Variants in PTPN13 observed in about 807,000 individuals in gnomAD.
PTPN13 encodes the protein protein tyrosine phosphatase non-receptor type 13.
A neutral mutation model predicts 284.0 loss-of-function variants in PTPN13; 191 were observed. The observed-to-expected ratio is 0.67, with a 90% CI of 0.60 to 0.76. The LOEUF is 0.76. Ranked by LOEUF, PTPN13 falls within the 30% of genes least tolerant of loss-of-function variation. The pLI, the probability that PTPN13 is intolerant of heterozygous loss-of-function variation, is 0.00. For synonymous variants in PTPN13, 986 were observed against 1,022.3 expected, an observed-to-expected ratio of 0.96 and a Z score of 0.68; for missense variants, 2,797 against 2,939.9, an observed-to-expected ratio of 0.95 and a Z score of 1.12.
chr4:86,725,412 G>T (rs991124991), intron 10 of PTPN13, among the ~76,000 whole-genome samples: 7 of 149,364 alleles, frequency 4.7e-5, no homozygotes, highest in African/African-American at 1.7e-4. Context: ...CACAAAGGTT[G>T]AACTACTTTA....
rs190834619 is a variant in PTPN13 at position 86,774,186 on chromosome 4, G to A, written c.5350-187G>A. ...ATAACTTTTACGTGGGATGCAGTGG[G>A]GGGACAGTCTGTCTAGAATCAGACA... On this transcript the variant is annotated intron_variant, in intron 32 of 47. Transcript: ENST00000411767. 4.5e-3 allele frequency among the ~76,000 whole-genome samples: 689 copies of A among 152,170 alleles called. 5 individuals carry two copies. Among genetic ancestry groups the A allele is most frequent in the African/African-American group, 0.016 (662 of 41,532 alleles).
chr4:86,802,146 A>AGTGTGTGTGTGTGTGTGTGT (rs55759778), intron 42 of PTPN13, among the ~76,000 whole-genome samples: 1 of 135,102 alleles, frequency 7.4e-6, no homozygotes, highest in African/African-American at 2.6e-5. Context: ...TCAAGATTTT[A>AGTGTGTGTGTGTGTGTGTGT]GTGTGTGTGT....
At chr4:86,812,555 C>G (rs898997690) in intron 47 of PTPN13, among the ~76,000 whole-genome samples, 1 of 152,114 alleles carries the variant, frequency 6.6e-6, no homozygotes, top group Non-Finnish European at 1.5e-5. Context: ...CGATTTTAAA[C>G]AGGGCGGCAC....
chr4:86,653,942 G>A (rs1565240406), intron 2 of PTPN13, among the ~76,000 whole-genome samples: 1 of 152,140 alleles, frequency 6.6e-6, no homozygotes, highest in Non-Finnish European at 1.5e-5. Flanking sequence ...AAAATGTAAA[G>A]TTTAACATAT....
At chr4:86,652,359 T>C (rs1295708081) in intron 2 of PTPN13, among the ~76,000 whole-genome samples, 1 of 152,102 alleles carries the variant, frequency 6.6e-6, no homozygotes, top group Non-Finnish European at 1.5e-5. Context: ...CACTAGTGAA[T>C]TTTATTCTGT....
At chr4:86,787,305 A>T (rs1050231811) in intron 40 of PTPN13, among the ~76,000 whole-genome samples, 1 of 152,112 alleles carries the variant, frequency 6.6e-6, no homozygotes, top group Non-Finnish European at 1.5e-5. Context: ...AAAACTGTTA[A>T]GTCCTAGCCG....
Position 86,741,809 on chromosome 4 carries a change from C to A in PTPN13, c.2480C>A (p.Ser827Tyr), listed in dbSNP as rs763188271. ...RFPWRETKKISFSKKKITLQN... is the reference protein window; with the variant it reads ...RFPWRETKKIYFSKKKITLQN... The stretch of plus-strand genomic sequence containing the variant: ...CCATGGAGGGAAACCAAGAAAATAT[C>A]TTTTTCTGTATGTCCATTTAACCTC... Residue 827 changes from serine (S) to tyrosine (Y), a missense_variant, in exon 16 of 48, where the codon TCT becomes TAT. Transcript: ENST00000411767. 1.9e-5 allele frequency: 30 copies of A among 1,593,110 alleles called. No individual in the cohort carries two copies. In the South Asian group the frequency reaches 2.7e-4, roughly 15 times the overall value.
At chr4:86,782,314 G>T in intron 37 of PTPN13, 52 bp downstream of exon 37, 3 of 1,451,256 alleles carry the variant, frequency 2.1e-6, no homozygotes, top group Non-Finnish European at 2.9e-6. Context: ...CTGAGGAACT[G>T]CATGTTTGTG....
In PTPN13 at chr4:86,744,896, G is replaced by A. The variant is rs1578555919; in HGVS notation, c.2488-70G>A. 4.3e-6 allele frequency: 5 copies of A among 1,164,504 alleles called. No homozygotes were observed. The East Asian group carries it at 1.3e-4, about 30-fold the overall frequency. 72.1% of individuals were successfully genotyped at this position (1,164,504 alleles called of 1,614,324 possible). ...CATATTAGATGTAAGTCAATATCCA[G>A]TGCCTAACAAGAAATATAAATAATA... On this transcript the variant is annotated intron_variant, in intron 16 of 47. Coordinates refer to ENST00000411767, the MANE Select transcript of PTPN13 (RefSeq NM_080683.3).
At position 86,732,612 on chromosome 4, in the gene PTPN13, G is replaced by T; in HGVS notation, c.1704G>T (p.Glu568Asp). Reference sequence around the variant, plus strand: ...TGTAGACTAAGAAAGGGAAGAATGAGGATAACCGAAGGAAAGTAAACATAA... The same window carrying T: ...TGTAGACTAAGAAAGGGAAGAATGATGATAACCGAAGGAAAGTAAACATAA... The part of the protein sequence containing the change: ...RSILTKKGKN[E>D]DNRRKVNIML... Residue 568 changes from glutamate (E) to aspartate (D), a missense_variant, in exon 12 of 48, where the codon GAG (glutamate) becomes GAT (aspartate). By Grantham distance (45) the Glu-to-Asp change is conservative (BLOSUM62 2). Coordinates refer to ENST00000411767, the MANE Select transcript of PTPN13 (RefSeq NM_080683.3). The T allele has an allele frequency of 6.2e-7, 1 of 1,613,030 alleles. No homozygotes were observed. Among genetic ancestry groups the T allele is most frequent in the Non-Finnish European group, 8.5e-7 (1 of 1,179,414 alleles).
chr4:86,778,776 G>A (rs1035206788), intron 35 of PTPN13, among the ~76,000 whole-genome samples: 10 of 152,166 alleles, frequency 6.6e-5, no homozygotes, highest in South Asian at 2.1e-4. Context: ...GGCCCGGGGC[G>A]TTAAATTTAC....
At chr4:86,665,084 T>G (rs1435563265) in intron 2 of PTPN13, among the ~76,000 whole-genome samples, 6 of 152,182 alleles carry the variant, frequency 3.9e-5, no homozygotes, top group Non-Finnish European at 7.4e-5. Context: ...CTTGTTTCAT[T>G]AGTGTTTTGT....
At chr4:86,759,155 A>G in intron 23 of PTPN13, 82 bp downstream of exon 23, 1 of 1,423,898 alleles carries the variant, frequency 7.0e-7, no homozygotes, top group Non-Finnish European at 9.5e-7. Flanking sequence ...ACAAAAATGG[A>G]TTCATTGTGT....
At chr4:86,766,874 T>C (rs556964309) in intron 27 of PTPN13, among the ~76,000 whole-genome samples, 6 of 152,326 alleles carry the variant, frequency 3.9e-5, no homozygotes, top group Non-Finnish European at 8.8e-5. Flanking sequence ...TTGAAGTACA[T>C]TTTGAGTTAG....
At chr4:86,686,063 TA>T (rs1729417355) in intron 3 of PTPN13, among the ~76,000 whole-genome samples, 1 of 152,160 alleles carries the variant, frequency 6.6e-6, no homozygotes, top group Non-Finnish European at 1.5e-5. Flanking sequence ...ATTGATAAGT[TA>T]AAAATGCAAG....
chr4:86,667,740 G>A (rs1037440657), intron 2 of PTPN13, among the ~76,000 whole-genome samples: 3 of 152,240 alleles, frequency 2.0e-5, no homozygotes, highest in East Asian at 1.9e-4. Flanking sequence ...CTAATAGAAC[G>A]TATAAAATAG....
At chr4:86,793,848 T>C (rs970762148) in intron 40 of PTPN13, among the ~76,000 whole-genome samples, 32 of 152,098 alleles carry the variant, frequency 2.1e-4, no homozygotes, top group Admixed American at 2.0e-4. Flanking sequence ...GGGACACATT[T>C]AAAGCAGTGT....
At chr4:86,760,774 A>C (rs1482168126) in intron 23 of PTPN13, among the ~76,000 whole-genome samples, 1 of 152,080 alleles carries the variant, frequency 6.6e-6, no homozygotes, top group African/African-American at 2.4e-5. Flanking sequence ...CATAATGTTA[A>C]AAGTATACAC....
chr4:86,752,761 T>C (rs1286855066), intron 19 of PTPN13, among the ~76,000 whole-genome samples: 1 of 152,200 alleles, frequency 6.6e-6, no homozygotes, highest in Non-Finnish European at 1.5e-5. Context: ...TCATTTCATA[T>C]TTGATATATC....
Sources: allele counts gnomAD v4.1 joint callset (sites outside exome capture counted in the v4.1 genomes callset), GRCh38; gene constraint gnomAD v4.1.1; transcripts MANE v1.5; gene names NCBI Gene and HGNC (gene_info 2026-07-23, HGNC 2026-07-21).